Variants in LCP1 observed in about 807,000 individuals in gnomAD.
The protein encoded by LCP1 is plastin-2.
A neutral mutation model predicts 72.0 loss-of-function variants in LCP1; 23 were observed. The ratio of observed to expected loss-of-function variants is 0.32; its 90% CI spans 0.23 to 0.45. The LOEUF is 0.45. Among genes scored for constraint, LCP1 ranks in the 20% least tolerant of loss-of-function variants. LCP1 has a pLI of 1.00. For synonymous variants in LCP1, 245 were observed against 275.4 expected, an observed-to-expected ratio of 0.89 and a Z score of 1.09; for missense variants, 571 against 748.3, an observed-to-expected ratio of 0.76 and a Z score of 2.76.
At position 46,148,364 on chromosome 13, in the gene LCP1, C is replaced by T. The variant is rs1045308444; in HGVS notation, c.966G>A (p.Met322Ile). Reference sequence around the variant, plus strand: ...GACCTGGCCTTACCCGCAGTCCTGACATGTCAATAACAACAGCAGGAACAC... The same window carrying T: ...GACCTGGCCTTACCCGCAGTCCTGATATGTCAATAACAACAGCAGGAACAC... ...EEGVPAVVID[M>I]SGLREKDDIQ... The change falls in exon 9 of 16, where the codon ATG (methionine) becomes ATA (isoleucine). Residue 322 changes from methionine to isoleucine, a missense_variant. By Grantham distance (10) the Met-to-Ile change is conservative (BLOSUM62 1). Coordinates refer to ENST00000323076, the MANE Select transcript of LCP1 (RefSeq NM_002298.5). 7 of 1,612,722 alleles carry T rather than the reference C, an allele frequency of 4.3e-6. No homozygotes were observed. The highest frequency in any genetic ancestry group is 5.9e-6 in the Non-Finnish European group (7 of 1,179,088).
chr13:46,149,365 A>C (rs1461625831), intron 8 of LCP1, among the ~76,000 whole-genome samples: 2 of 152,180 alleles, frequency 1.3e-5, no homozygotes, highest in East Asian at 3.8e-4. Flanking sequence ...TCTCCCTTCT[A>C]TCTACCCTCC....
At chr13:46,129,231 G>A (rs886532202) in intron 15 of LCP1, among the ~76,000 whole-genome samples, 2 of 151,932 alleles carry the variant, frequency 1.3e-5, no homozygotes, top group African/African-American at 2.4e-5. Context: ...TTTGTATCTC[G>A]CCCTCACAGG....
At position 46,148,450 on chromosome 13, in the gene LCP1, G is replaced by A; in HGVS notation, c.883-3C>T. 1 of 1,590,186 alleles carries A rather than the reference G, an allele frequency of 6.3e-7. No homozygotes were observed. Among genetic ancestry groups the A allele is most frequent in the South Asian group, 1.1e-5 (1 of 90,018 alleles). ...AGGTGGTAATAAGCTTTTGAGTCCT[G>A]TGAGAAATTAAGAAATTCCAATTTC... On this transcript the variant is annotated splice_polypyrimidine_tract_variant and splice_region_variant and intron_variant, in intron 8 of 15. Coordinates refer to ENST00000323076, the MANE Select transcript of LCP1 (RefSeq NM_002298.5).
intron 8 of LCP1, 33 bp from the exon 9 acceptor site, chr13:46,148,480 T>C: frequency 7.6e-7 from 1 of 1,312,600 alleles, no homozygotes; most frequent in Non-Finnish European, 1.1e-6. Flanking sequence ...AATTTCAAAA[T>C]AGCACAGCTA....
At chr13:46,171,333 G>C (rs1433431127) in intron 1 of LCP1, among the ~76,000 whole-genome samples, 2 of 152,066 alleles carry the variant, frequency 1.3e-5, no homozygotes, top group East Asian at 3.9e-4. Context: ...CATCCTTTGG[G>C]GTTGCCCTTG....
chr13:46,175,065 T>G (rs1168190627), intron 1 of LCP1, among the ~76,000 whole-genome samples: 1 of 152,090 alleles, frequency 6.6e-6, no homozygotes, highest in Non-Finnish European at 1.5e-5. Flanking sequence ...TTACTGGTTC[T>G]GTGACCCCAG....
intron 13 of LCP1, among the ~76,000 whole-genome samples, chr13:46,135,743 C>CTTT (rs71074757): frequency 6.1e-5 from 8 of 130,556 alleles, no homozygotes; most frequent in Admixed American, 7.7e-5. Context: ...TCTGGTCTGT[C>CTTT]TTTTTTTTTT....
intron 1 of LCP1, among the ~76,000 whole-genome samples, chr13:46,163,821 T>C (rs1029461812): frequency 2.6e-5 from 4 of 152,160 alleles, no homozygotes; most frequent in African/African-American, 9.7e-5. Context: ...TTAATATACT[T>C]TGCTAAATCC....
chr13:46,162,033 A>G (rs2045841391), intron 1 of LCP1, among the ~76,000 whole-genome samples: 1 of 152,050 alleles, frequency 6.6e-6, no homozygotes, highest in Non-Finnish European at 1.5e-5. Context: ...TGGCATAGGT[A>G]TGTATATTCT....
rs1355373960 is a variant in LCP1, at chr13:46,127,354, G to A, written c.*237C>T. 10 of 394,050 alleles carry A rather than the reference G, an allele frequency of 2.5e-5. No individual in the cohort carries two copies. The highest frequency in any genetic ancestry group is 1.7e-4 in the Admixed American group (4 of 23,346). 24.4% of individuals were successfully genotyped at this position (394,050 alleles called of 1,614,324 possible). ...CTTCTTTCTTTTCCTCTAGATTTTCGAAGAAGCAAATAAATCAAGAATAGA... is the reference window on the plus strand; with the variant it reads ...CTTCTTTCTTTTCCTCTAGATTTTCAAAGAAGCAAATAAATCAAGAATAGA... On this transcript the variant is annotated 3_prime_UTR_variant, in exon 16 of 16. Coordinates refer to ENST00000323076, the MANE Select transcript of LCP1 (RefSeq NM_002298.5).
At chr13:46,162,632 C>T (rs568208944) in intron 1 of LCP1, among the ~76,000 whole-genome samples, 3 of 152,182 alleles carry the variant, frequency 2.0e-5, no homozygotes, top group South Asian at 2.1e-4. Flanking sequence ...AGTGCAGTGG[C>T]GTGATCTCGG....
intron 1 of LCP1, chr13:46,168,455 G>A (rs2045888642): frequency 6.6e-6 from 1 of 152,282 alleles, no homozygotes; most frequent in African/African-American, 2.4e-5. Context: ...CTGTGTTCCT[G>A]CTCTTACCTC....
rs764923419 is a variant in LCP1, at chr13:46,142,332, G to A, written c.1462C>T (p.Arg488Cys). ...IGGQDLNEGN[R>C]TLTLALIWQL... ...CAAATCAAGGCCAGTGTGAGAGTGC[G>A]GTTTCCTTCATTGAGATCTTGTCCA... is the stretch of plus-strand genomic sequence containing the variant. Residue 488 changes from arginine to cysteine, a missense_variant, in exon 13 of 16, where the codon CGC becomes TGC. Arg to Cys is a radical substitution (Grantham distance 180, BLOSUM62 -3). Transcript: ENST00000323076. The A allele has an allele frequency of 3.1e-5, 50 of 1,613,774 alleles. No individual in the cohort carries two copies. The Middle Eastern group carries it at 4.9e-4, about 16-fold the overall frequency.
intron 1 of LCP1, among the ~76,000 whole-genome samples, chr13:46,162,652 A>G (rs1369869826): frequency 6.6e-6 from 1 of 151,504 alleles, no homozygotes; most frequent in Non-Finnish European, 1.5e-5. Context: ...GCTAGCTACA[A>G]CCTCCACCTC....
chr13:46,161,972 G>A (rs926395399), intron 1 of LCP1, among the ~76,000 whole-genome samples: 3 of 152,186 alleles, frequency 2.0e-5, no homozygotes, highest in African/African-American at 7.2e-5. Flanking sequence ...TTTGTGGGAT[G>A]GGGTAAACAC....
chr13:46,142,389 T>A lies in LCP1; in HGVS notation c.1405A>T (p.Asn469Tyr). ...NCNYAVELGK[N>Y]QAKFSLVGIG... ...CCAACCAGGGAGAACTTCGCTTGAT[T>A]CTTCCCCAATTCTACCGCGTAGTTA... The change falls in exon 13 of 16, where the codon AAT becomes TAT. Residue 469 changes from asparagine (N) to tyrosine (Y), a missense_variant. Asn to Tyr is a moderately radical substitution (Grantham distance 143, BLOSUM62 -2). Transcript: ENST00000323076. 6.2e-7 allele frequency: 1 copy of A among 1,614,042 alleles called. No individual in the cohort carries two copies. The highest frequency in any genetic ancestry group is 8.5e-7 in the Non-Finnish European group (1 of 1,179,932).
chr13:46,145,993 G>T (rs1419484175), intron 10 of LCP1, among the ~76,000 whole-genome samples: 1 of 151,322 alleles, frequency 6.6e-6, no homozygotes, highest in Non-Finnish European at 1.5e-5. Context: ...ATGGTTGGGG[G>T]TGGGAGGGAA....
At position 46,156,242 on chromosome 13, in the gene LCP1, G is replaced by A. The variant is rs143168272; in HGVS notation, c.491+196C>T. 3.1e-3 allele frequency among the ~76,000 whole-genome samples: 479 copies of A among 152,240 alleles called. 4 individuals carry two copies. The highest frequency in any genetic ancestry group is 0.011 in the African/African-American group (465 of 41,508). On this transcript the variant is annotated intron_variant, in intron 5 of 15. Transcript: ENST00000323076. ...ATCCCTCCTCTCCACTCAAGCAATA[G>A]CAATTTTACATTTCTCATTATAAAT...
intron 1 of LCP1, among the ~76,000 whole-genome samples, chr13:46,177,437 C>T (rs1304079755): frequency 1.3e-5 from 2 of 152,146 alleles, no homozygotes; most frequent in East Asian, 3.9e-4. Context: ...GTCAGGAGAT[C>T]GAGACCGTCC....
Sources: gnomAD v4.1 joint callset for allele counts (sites outside exome capture counted in the v4.1 genomes callset) on GRCh38, gnomAD v4.1.1 for gene constraint, MANE v1.5 for transcripts, NCBI Gene and HGNC (gene_info 2026-07-23, HGNC 2026-07-21) for gene names.